Variants in NAP1L4 observed in about 807,000 individuals in gnomAD.
The protein encoded by NAP1L4 is nucleosome assembly protein 1-like 4.
Under a neutral mutation model 58.2 loss-of-function variants are expected in NAP1L4, and 15 were observed. The ratio of observed to expected loss-of-function variants is 0.26; its 90% confidence interval spans 0.17 to 0.40. The LOEUF is 0.40. NAP1L4 is among the 10% of genes least tolerant of loss of function. The pLI is 1.00. For missense variants in NAP1L4, 384 were observed against 451.1 expected (o/e 0.85, Z 1.35); for synonymous variants, 171 against 155.6 (o/e 1.10, Z -0.74).
At position 2,954,369 on chromosome 11, in the gene NAP1L4, T is replaced by C. The variant is rs1404302721; in HGVS notation, c.1035+158A>G. 1 of 1,064,282 alleles carries C rather than the reference T, an allele frequency of 9.4e-7. No homozygotes were observed. The highest frequency in any genetic ancestry group is 2.0e-5 in the Admixed American group (1 of 50,422). The allele number at this position is 1,064,282 out of a possible 1,614,324, so 65.9% of individuals were successfully genotyped here. A position where few individuals can be genotyped will look rare whatever the true frequency, so the allele number is the denominator to read the frequency against. On this transcript the variant is annotated intron_variant, in intron 12 of 15. Transcript: ENST00000380542. The surrounding 1 kb of genome is among the most constrained non-coding windows in gnomAD (Gnocchi z 4.8). ...CTCAGACTTCTCCTCTTCAAGCGTATTCCCCCCACAACAAGGACAGCAGCT... is the reference window on the plus strand; with the variant it reads ...CTCAGACTTCTCCTCTTCAAGCGTACTCCCCCCACAACAAGGACAGCAGCT...
At chr11:2,992,203 G>A (rs1003340759) in intron 1 of NAP1L4, 51 bp downstream of exon 1, 21 of 147,168 alleles carry the variant, frequency 1.4e-4, no homozygotes, top group African/African-American at 4.9e-4. Context: ...GTCCGGGCCC[G>A]GCCGCCCTCC....
intron 6 of NAP1L4, among the ~76,000 whole-genome samples, chr11:2,970,160 A>T (rs185298678): frequency 1.3e-5 from 2 of 152,170 alleles, no homozygotes. Flanking sequence ...ACCATTTCAC[A>T]TCAAAGGCGA....
In NAP1L4 at chr11:2,951,704, C is replaced by A. The variant is rs1846235551; in HGVS notation, c.1065+76G>T. ...ATGGGTTTAACACAGCCCTGTGAGT[C>A]CATAACCTTCAAGCAGAGAAAGCCA... On this transcript the variant is annotated intron_variant, in intron 13 of 15. Coordinates refer to ENST00000380542, the MANE Select transcript of NAP1L4 (RefSeq NM_005969.4). This position sits in a 1 kb window ranked among gnomAD's most constrained non-coding sequence, Gnocchi z 4.0. 6.8e-7 allele frequency: 1 copy of A among 1,480,378 alleles called. No homozygotes were observed. The highest frequency in any genetic ancestry group is 1.1e-5 in the South Asian group (1 of 88,194). 91.7% of individuals were successfully genotyped at this position (1,480,378 alleles called of 1,614,324 possible).
At chr11:2,985,659 G>A (rs527500294) in intron 1 of NAP1L4, among the ~76,000 whole-genome samples, 1 of 152,036 alleles carries the variant, frequency 6.6e-6, no homozygotes, top group Admixed American at 6.6e-5. Flanking sequence ...TCAAAACATC[G>A]CATTATACAT....
chr11:2,977,098 T>A lies in NAP1L4; in HGVS notation c.74-975A>T, dbSNP rs558514198. 1.8e-4 allele frequency among the ~76,000 whole-genome samples: 27 copies of A among 152,354 alleles called. No individual in the cohort carries two copies. The South Asian group carries it at 5.0e-3, about 28-fold the overall frequency. On this transcript the variant is annotated intron_variant, in intron 3 of 15. Coordinates refer to ENST00000380542, the MANE Select transcript of NAP1L4 (RefSeq NM_005969.4). Reference sequence around the variant, plus strand: ...ACTAACATGAAGCACATGAAGTGTATTTAAGGTACGTAATTTGTATATATA... The same window carrying A: ...ACTAACATGAAGCACATGAAGTGTAATTAAGGTACGTAATTTGTATATATA...
At chr11:2,972,081 T>C in intron 5 of NAP1L4, 21 bp downstream of exon 5, 1 of 1,522,590 alleles carries the variant, frequency 6.6e-7, no homozygotes, top group South Asian at 1.3e-5. Flanking sequence ...ATCTGTATAT[T>C]AAATTAACAG....
rs796144746 is a variant in NAP1L4, at chr11:2,951,771, G to A, written c.1065+9C>T. 6.2e-7 allele frequency: 1 copy of A among 1,613,882 alleles called. No individual in the cohort carries two copies. Among genetic ancestry groups the A allele is most frequent in the South Asian group, 1.1e-5 (1 of 91,056 alleles). ...GAGGTAAGTGGCACTGCATAAACCT[G>A]TCTCTTACCTCCTCTTCTCCTTCTT... On this transcript the variant is annotated intron_variant, in intron 13 of 15. Transcript: ENST00000380542. The surrounding 1 kb of genome is among the most constrained non-coding windows in gnomAD (Gnocchi z 4.0).
chr11:2,948,301 C>T lies in NAP1L4; in HGVS notation c.*32+926G>A, dbSNP rs1337466409. On this transcript the variant is annotated intron_variant, in intron 15 of 15. Transcript: ENST00000380542. The surrounding 1 kb of genome is among the most constrained non-coding windows in gnomAD (Gnocchi z 5.1). ...GGCGGTGGCGCTAAGACCTCAAGGACGTCTGGTCTATGGGCTGCCAGGATC... is the reference window on the plus strand; with the variant it reads ...GGCGGTGGCGCTAAGACCTCAAGGATGTCTGGTCTATGGGCTGCCAGGATC... 6.6e-6 allele frequency among the ~76,000 whole-genome samples: 1 copy of T among 152,144 alleles called. No individual in the cohort carries two copies. The highest frequency in any genetic ancestry group is 6.5e-5 in the Admixed American group (1 of 15,272).
chr11:2,977,358 G>A (rs957061108), intron 3 of NAP1L4, among the ~76,000 whole-genome samples: 6 of 152,114 alleles, frequency 3.9e-5, no homozygotes, highest in South Asian at 2.1e-4. Flanking sequence ...CTGTGCCTCC[G>A]GAACCAACGA....
rs1846395609 is a variant in NAP1L4, at chr11:2,954,240, A to C, written c.1035+287T>G. The C allele has an allele frequency of 2.1e-6, 1 of 478,664 alleles. No homozygotes were observed. Among genetic ancestry groups the C allele is most frequent in the South Asian group, 2.6e-5 (1 of 38,640 alleles). The allele number at this position is 478,664 out of a possible 1,614,324, so 29.7% of individuals were successfully genotyped here. On this transcript the variant is annotated intron_variant, in intron 12 of 15. Transcript: ENST00000380542. This position sits in a 1 kb window ranked among gnomAD's most constrained non-coding sequence, Gnocchi z 4.8. ...TGTGTTCACAAGTTCCCTGAAGCTT[A>C]GGTTTTGAGAGAATATTGTTGAGTC...
At chr11:2,981,156 C>G (rs575029337) in intron 1 of NAP1L4, among the ~76,000 whole-genome samples, 1 of 150,660 alleles carries the variant, frequency 6.6e-6, no homozygotes, top group African/African-American at 2.4e-5. Flanking sequence ...GAGAATCGCT[C>G]GAGCACAGGA....
At chr11:2,980,399 G>A (rs1027574190) in intron 1 of NAP1L4, among the ~76,000 whole-genome samples, 9 of 152,100 alleles carry the variant, frequency 5.9e-5, no homozygotes, top group Admixed American at 5.9e-4. Flanking sequence ...TGCCCAGGCT[G>A]AGTCCCAAAC....
chr11:2,987,449 T>C (rs1848698905), intron 1 of NAP1L4, among the ~76,000 whole-genome samples: 3 of 149,734 alleles, frequency 2.0e-5, no homozygotes, highest in African/African-American at 7.3e-5. Context: ...GCCAGGCCCA[T>C]GATAATGTTT....
intron 1 of NAP1L4, among the ~76,000 whole-genome samples, chr11:2,984,481 G>C (rs1460691337): frequency 1.3e-5 from 2 of 152,166 alleles, no homozygotes; most frequent in Non-Finnish European, 2.9e-5. Flanking sequence ...TGAGGCAGGA[G>C]AATCTCTTGA....
chr11:2,961,853 A>G (rs1373284344), intron 8 of NAP1L4, among the ~76,000 whole-genome samples: 1 of 152,170 alleles, frequency 6.6e-6, no homozygotes, highest in African/African-American at 2.4e-5. Context: ...AGATAGATTC[A>G]TGTTTCTTCC....
At chr11:2,979,779 AAAAT>A (rs1451725453) in intron 1 of NAP1L4, among the ~76,000 whole-genome samples, 7 of 142,326 alleles carry the variant, frequency 4.9e-5, no homozygotes, top group South Asian at 2.1e-4. Context: ...TCTAAAAAAA[AAAAT>A]AAAATAAAAT....
chr11:2,961,704 CTT>C (rs987304950), intron 8 of NAP1L4, among the ~76,000 whole-genome samples: 106 of 152,084 alleles, frequency 7.0e-4, no homozygotes, highest in African/African-American at 2.5e-3. Flanking sequence ...CTCCTTTTTA[CTT>C]TCTCTTTTAA....
intron 12 of NAP1L4, chr11:2,952,073 G>C: frequency 1.8e-6 from 1 of 554,754 alleles, no homozygotes; most frequent in Non-Finnish European, 3.2e-6. Context: ...ACACAGCTGG[G>C]AACCTGGCAC....
chr11:2,958,322 G>C (rs777235112), intron 10 of NAP1L4, 77 bp downstream of exon 10: 1 of 1,435,074 alleles, frequency 7.0e-7, no homozygotes. Context: ...TAAAGTCTCT[G>C]GGTGTTAGGA....
Sources: gnomAD v4.1 joint callset for allele counts (sites outside exome capture counted in the v4.1 genomes callset) on GRCh38, gnomAD v4.1.1 for gene constraint, Gnocchi (gnomAD v3.1) non-coding constraint, MANE v1.5 for transcripts, NCBI Gene and HGNC (gene_info 2026-07-23, HGNC 2026-07-21) for gene names.